Variants in CSMD1 observed in about 807,000 individuals in gnomAD.
The protein encoded by CSMD1 is CUB and sushi domain-containing protein 1.
A neutral mutation model predicts 417.5 loss-of-function variants in CSMD1; 213 were observed. The observed-to-expected ratio is 0.51, with a 90% confidence interval of 0.46 to 0.57. CSMD1 has a LOEUF of 0.57. CSMD1 is among the 20% of genes least tolerant of loss of function. CSMD1 has a pLI of 0.00. For missense variants in CSMD1, 6,923 were observed against 4,529.7 expected, an observed-to-expected ratio of 1.53 and a Z score of -15.17; for synonymous variants, 2,862 against 1,736.8, an observed-to-expected ratio of 1.65 and a Z score of -16.11.
At chr8:4,814,980 T>C (rs950768895) in intron 1 of CSMD1, among the ~76,000 whole-genome samples, 1 of 152,180 alleles carries the variant, frequency 6.6e-6, no homozygotes, top group Non-Finnish European at 1.5e-5. Flanking sequence ...TCATATTTCA[T>C]AAATCATTTT....
At chr8:3,766,542 G>A (rs1182336421) in intron 5 of CSMD1, among the ~76,000 whole-genome samples, 1 of 152,184 alleles carries the variant, frequency 6.6e-6, no homozygotes, top group Non-Finnish European at 1.5e-5. Context: ...ACAGGGAGCA[G>A]TCGGCACTGG....
intron 37 of CSMD1, among the ~76,000 whole-genome samples, chr8:3,180,876 T>G (rs1470889250): frequency 6.6e-6 from 1 of 152,058 alleles, no homozygotes; most frequent in Non-Finnish European, 1.5e-5. Flanking sequence ...ACACCTGATG[T>G]CTGGTGATCC....
At chr8:3,431,795 A>G (rs549011883) in intron 12 of CSMD1, among the ~76,000 whole-genome samples, 2 of 152,322 alleles carry the variant, frequency 1.3e-5, no homozygotes, top group African/African-American at 4.8e-5. Context: ...CTATTTATTC[A>G]TAACATTGGA....
chr8:2,998,777 A>G (rs1215670699), intron 53 of CSMD1, among the ~76,000 whole-genome samples: 3 of 152,212 alleles, frequency 2.0e-5, no homozygotes, highest in African/African-American at 7.2e-5. Flanking sequence ...GATAACAGCA[A>G]GACAGATCAG....
At chr8:3,747,780 A>G (rs1035156705) in intron 6 of CSMD1, among the ~76,000 whole-genome samples, 2 of 152,010 alleles carry the variant, frequency 1.3e-5, no homozygotes, top group African/African-American at 4.8e-5. Flanking sequence ...ATTTCCACCA[A>G]TAGTGCAAAA....
At chr8:3,186,027 T>C (rs370844053) in intron 36 of CSMD1, among the ~76,000 whole-genome samples, 1 of 151,872 alleles carries the variant, frequency 6.6e-6, no homozygotes, top group Non-Finnish European at 1.5e-5. Context: ...CTTTTTTTTC[T>C]CTTACATCTT....
intron 1 of CSMD1, among the ~76,000 whole-genome samples, chr8:4,797,233 G>C (rs1052119544): frequency 2.6e-5 from 4 of 152,156 alleles, no homozygotes; most frequent in Non-Finnish European, 4.4e-5. Flanking sequence ...AGGGAGATGA[G>C]GTTTCATCCT....
chr8:4,953,151 A>G (rs534389351), intron 1 of CSMD1, among the ~76,000 whole-genome samples: 4 of 152,306 alleles, frequency 2.6e-5, no homozygotes, highest in African/African-American at 9.6e-5. Flanking sequence ...TTTAATTCTC[A>G]AGGTAGAAGA....
chr8:4,834,138 C>G (rs976647378), intron 1 of CSMD1, among the ~76,000 whole-genome samples: 1 of 152,156 alleles, frequency 6.6e-6, no homozygotes, highest in Non-Finnish European at 1.5e-5. Context: ...AGTTTTTAAA[C>G]ACCTAATTCA....
intron 33 of CSMD1, among the ~76,000 whole-genome samples, chr8:3,197,229 C>T (rs1376526036): frequency 6.8e-6 from 1 of 147,032 alleles, no homozygotes; most frequent in Non-Finnish European, 1.5e-5. Context: ...CTGTGCATGT[C>T]TGGAGTCACA....
chr8:4,003,736 G>A (rs371606451), intron 4 of CSMD1, among the ~76,000 whole-genome samples: 1 of 152,250 alleles, frequency 6.6e-6, no homozygotes. Flanking sequence ...CAACACAGGC[G>A]AGTGACACTG....
At chr8:3,705,568 T>A (rs1158649405) in intron 7 of CSMD1, among the ~76,000 whole-genome samples, 1 of 152,110 alleles carries the variant, frequency 6.6e-6, no homozygotes, top group Non-Finnish European at 1.5e-5. Flanking sequence ...AACAAAAATG[T>A]CCAGCTTACA....
intron 9 of CSMD1, among the ~76,000 whole-genome samples, chr8:3,579,842 G>A (rs1044846786): frequency 6.6e-5 from 10 of 152,178 alleles, no homozygotes; most frequent in South Asian, 2.1e-4. Context: ...GGTGGCTCAC[G>A]CCTTTAATTT....
chr8:4,514,749 G>T (rs569949559), intron 2 of CSMD1, among the ~76,000 whole-genome samples: 4 of 152,270 alleles, frequency 2.6e-5, no homozygotes, highest in African/African-American at 7.2e-5. Context: ...ATATGATTGT[G>T]AACAGTGGAG....
chr8:3,636,105 T>A (rs1797033700), intron 7 of CSMD1, among the ~76,000 whole-genome samples: 1 of 152,212 alleles, frequency 6.6e-6, no homozygotes, highest in Non-Finnish European at 1.5e-5. Flanking sequence ...AGTTTTGTGT[T>A]AAGAACTAAG....
chr8:4,656,786 C>A (rs1804261079), intron 1 of CSMD1, among the ~76,000 whole-genome samples: 1 of 152,052 alleles, frequency 6.6e-6, no homozygotes, highest in Non-Finnish European at 1.5e-5. Context: ...CTAGAAAGGA[C>A]CGTCCTGCGG....
intron 40 of CSMD1, among the ~76,000 whole-genome samples, chr8:3,148,646 C>G (rs1007568117): frequency 3.3e-5 from 5 of 152,304 alleles, no homozygotes; most frequent in Middle Eastern, 3.4e-3. Context: ...ATGTTTTTCA[C>G]TATAAAACAA....
At chr8:3,556,550 A>T (rs149174436) in intron 10 of CSMD1, among the ~76,000 whole-genome samples, 2,173 of 53,184 alleles carry the variant, frequency 0.041, 28 homozygotes, top group East Asian at 0.065. Flanking sequence ...ACACACACAC[A>T]CCCTCTCTCT....
chr8:4,425,873 T>C (rs1176594286), intron 2 of CSMD1, among the ~76,000 whole-genome samples: 2 of 152,114 alleles, frequency 1.3e-5, no homozygotes, highest in Non-Finnish European at 1.5e-5. Context: ...ACTTTGAATA[T>C]TTCAACAAAA....
Sources: gnomAD v4.1 joint callset for allele counts (sites outside exome capture counted in the v4.1 genomes callset) on GRCh38, gnomAD v4.1.1 for gene constraint, MANE v1.5 for transcripts, NCBI Gene and HGNC (gene_info 2026-07-23, HGNC 2026-07-21) for gene names.